Variants in DDX60 observed in about 807,000 individuals in gnomAD.
DDX60 encodes the protein DExD/H-box helicase 60, also known as probable ATP-dependent RNA helicase DDX60.
Under a neutral mutation model 212.8 loss-of-function variants are expected in DDX60, and 165 were observed. That is an observed-to-expected ratio of 0.78 (90% CI 0.68 to 0.88). The LOEUF is 0.88. Among genes scored for constraint, DDX60 ranks in the 40% least tolerant of loss-of-function variants. DDX60 has a pLI of 0.00. For synonymous variants in DDX60, 703 were observed against 685.3 expected, an observed-to-expected ratio of 1.03 and a Z score of -0.40; for missense variants, 1,905 against 2,003.9, an observed-to-expected ratio of 0.95 and a Z score of 0.94.
chr4:168,267,449 T>C (rs1425541849), intron 22 of DDX60, 133 bp downstream of exon 22: 1 of 420,330 alleles, frequency 2.4e-6, no homozygotes, highest in East Asian at 3.8e-5. Context: ...TAAATTAAGG[T>C]TAAAGTATCA....
Position 168,267,823 on chromosome 4 carries a change from T to TA in DDX60, c.2929+17dup, listed in dbSNP as rs528949555. The TA allele has an allele frequency of 7.4e-3, 11,807 of 1,589,568 alleles. 111 individuals carry two copies. The highest frequency in any genetic ancestry group is 6.9e-3 in the South Asian group (586 of 85,322). ...AATAAAATAAAAGGCAAGCTTTATA[T>TA]AAATATATCAAACATACCAAGTCTA... On this transcript the variant is annotated intron_variant, in intron 21 of 37. Transcript: ENST00000393743.
Position 168,311,028 on chromosome 4 carries a change from T to C in DDX60, c.44A>G (p.Gln15Arg), listed in dbSNP as rs1412700246. The part of the protein sequence containing the change: ...VLTTFSQEMS[Q>R]LILNEMPKAE... ...TTTTGGCATTTCATTCAAAATTAAC[T>C]GGGACATTTCCTGTGAAAATGTTGT... The change falls in exon 3 of 38, where the codon CAG becomes CGG. Residue 15 changes from glutamine (Q) to arginine (R), a missense_variant. Transcript: ENST00000393743. The C allele has an allele frequency of 1.3e-6, 2 of 1,581,290 alleles. No homozygotes were observed. Among genetic ancestry groups the C allele is most frequent in the East Asian group, 2.2e-5 (1 of 44,612 alleles).
Position 168,280,379 on chromosome 4 carries a change from G to C in DDX60, c.1934C>G (p.Thr645Ser). 1 of 1,614,076 alleles carries C rather than the reference G, an allele frequency of 6.2e-7. No homozygotes were observed. Among genetic ancestry groups the C allele is most frequent in the Non-Finnish European group, 8.5e-7 (1 of 1,180,002 alleles). ...TTCTTTCCAGGCTTTCAAGCAAGCA[G>C]TTAACCCCACCATTTCAACCTGAAG... The part of the protein sequence containing the change: ...VKLQVEMVGL[T>S]ACLKAWKEHC... The change falls in exon 14 of 38, where the codon ACT becomes AGT. Residue 645 changes from threonine (T) to serine (S), a missense_variant. Coordinates refer to ENST00000393743, the MANE Select transcript of DDX60 (RefSeq NM_017631.6).
chr4:168,312,689 AGATT>A (rs1240880852), intron 1 of DDX60, among the ~76,000 whole-genome samples: 20 of 130,144 alleles, frequency 1.5e-4, no homozygotes, highest in African/African-American at 2.5e-4. Flanking sequence ...GATAGTAGAT[AGATT>A]GATTGATATA....
chr4:168,268,826 T>C (rs745371863), intron 20 of DDX60, 28 bp downstream of exon 20: 1 of 1,239,830 alleles, frequency 8.1e-7, no homozygotes, highest in Non-Finnish European at 1.1e-6. Context: ...AGATAAACAC[T>C]CTGTCCAAAT....
At chr4:168,240,642 G>C (rs987949572) in intron 30 of DDX60, among the ~76,000 whole-genome samples, 1 of 151,952 alleles carries the variant, frequency 6.6e-6, no homozygotes, top group African/African-American at 2.4e-5. Flanking sequence ...TCAGAAACAA[G>C]ACTATACATT....
intron 26 of DDX60, among the ~76,000 whole-genome samples, chr4:168,254,673 C>A (rs954994933): frequency 6.6e-6 from 1 of 152,098 alleles, no homozygotes; most frequent in African/African-American, 2.4e-5. Context: ...AATTGATCTA[C>A]TAGCTATTGA....
chr4:168,312,372 G>C (rs79463979), intron 1 of DDX60, among the ~76,000 whole-genome samples: 1,756 of 152,274 alleles, frequency 0.012, 28 homozygotes, highest in African/African-American at 0.04. Context: ...GTCTGGACTA[G>C]ATTTGAAGAG....
At chr4:168,323,046 T>C (rs1737637156), upstream of DDX60, among the ~76,000 whole-genome samples, 3 of 152,164 alleles carry the variant, frequency 2.0e-5, 1 homozygote, top group Admixed American at 1.3e-4. Context: ...GTATATCTGG[T>C]GAGAGCCCAG....
In DDX60 at chr4:168,246,546, T is replaced by C; in HGVS notation, c.4036A>G (p.Lys1346Glu). 1.2e-6 allele frequency: 2 copies of C among 1,614,100 alleles called. No homozygotes were observed. The highest frequency in any genetic ancestry group is 8.5e-7 in the Non-Finnish European group (1 of 1,179,998). ...TTGGATTTTATGAGTTTTCCTATTT[T>C]GGGGAATGGAATATCAAAGAAATAT... ...DVYFFDIPFP[K>E]IGKLIKSNVP... Residue 1346 changes from lysine (K) to glutamate (E), a missense_variant, in exon 30 of 38, where the codon AAA (lysine) becomes GAA (glutamate). Coordinates refer to ENST00000393743, the MANE Select transcript of DDX60 (RefSeq NM_017631.6).
At chr4:168,324,713 G>A in the DDX60 span, among the ~76,000 whole-genome samples, 1 of 152,202 alleles carries the variant, frequency 6.6e-6, no homozygotes, top group African/African-American at 2.4e-5. Flanking sequence ...AGGTGGCAGG[G>A]TCTTATACTT....
chr4:168,319,310 C>T (rs1156245589), upstream of DDX60, among the ~76,000 whole-genome samples: 1 of 151,986 alleles, frequency 6.6e-6, no homozygotes, highest in Non-Finnish European at 1.5e-5. Context: ...TTTGTAACAT[C>T]TAAACAAGAT....
Position 168,293,819 on chromosome 4 carries a change from G to A in DDX60, c.850C>T (p.Pro284Ser), listed in dbSNP as rs1460948529. 6.2e-7 allele frequency: 1 copy of A among 1,613,300 alleles called. No homozygotes were observed. Among genetic ancestry groups the A allele is most frequent in the Admixed American group, 1.7e-5 (1 of 59,858 alleles). ...MYHRFLGNRE[P>S]SSGQETEIQQ... ...ATCTCAGTTTCCTGACCAGAGGAGG[G>A]CTCTCTGTTTCCTAAAAAGCGATGG... The change falls in exon 7 of 38, where the codon CCC becomes TCC. Residue 284 changes from proline to serine, a missense_variant. By Grantham distance (74) the Pro-to-Ser change is moderately conservative. Coordinates refer to ENST00000393743, the MANE Select transcript of DDX60 (RefSeq NM_017631.6).
intron 37 of DDX60, 49 bp from the exon 38 acceptor site, chr4:168,217,081 T>C (rs747056499): frequency 9.6e-6 from 12 of 1,253,538 alleles, no homozygotes; most frequent in Admixed American, 6.9e-5. Context: ...AGATTGAATA[T>C]TATAAGAAAG....
intron 34 of DDX60, among the ~76,000 whole-genome samples, chr4:168,224,977 TAA>T (rs1437137464): frequency 6.6e-6 from 1 of 152,030 alleles, no homozygotes; most frequent in Non-Finnish European, 1.5e-5. Context: ...GTGCAAATGC[TAA>T]GAGTGTTAAC....
chr4:168,322,771 C>G (rs1737631524), upstream of DDX60, among the ~76,000 whole-genome samples: 1 of 152,188 alleles, frequency 6.6e-6, no homozygotes, highest in African/African-American at 2.4e-5. Flanking sequence ...CATGTCCTCC[C>G]AGCCAAGGGA....
At chr4:168,219,448 G>A (rs1231866248) in intron 37 of DDX60, among the ~76,000 whole-genome samples, 2 of 152,136 alleles carry the variant, frequency 1.3e-5, no homozygotes, top group African/African-American at 2.4e-5. Flanking sequence ...AGTCTGTGGA[G>A]TTTCTTGGGC....
intron 3 of DDX60, among the ~76,000 whole-genome samples, chr4:168,308,946 C>T (rs1579084707): frequency 6.6e-6 from 1 of 152,030 alleles, no homozygotes; most frequent in East Asian, 1.9e-4. Flanking sequence ...AAAATATACA[C>T]AGATCTATTG....
At chr4:168,300,725 A>G (rs1368928168) in intron 6 of DDX60, among the ~76,000 whole-genome samples, 1 of 152,278 alleles carries the variant, frequency 6.6e-6, no homozygotes, top group African/African-American at 2.4e-5. Context: ...AATGACTGTA[A>G]CTGTATTACA....
Sources: gnomAD v4.1 joint callset for allele counts (sites outside exome capture counted in the v4.1 genomes callset) on GRCh38, gnomAD v4.1.1 for gene constraint, MANE v1.5 for transcripts, NCBI Gene and HGNC (gene_info 2026-07-23, HGNC 2026-07-21) for gene names.